Variants in CBLB observed in about 807,000 individuals in gnomAD.
CBLB encodes the protein Cbl proto-oncogene B, also known as E3 ubiquitin-protein ligase CBL-B.
In CBLB, 31 loss-of-function variants were observed where a neutral mutation model predicts 104.9. The ratio of observed to expected loss-of-function variants is 0.30; its 90% CI spans 0.22 to 0.40. The LOEUF (loss-of-function observed/expected upper bound fraction) is 0.40, where lower values mean the gene tolerates loss of function less well. Among genes scored for constraint, CBLB ranks in the 10% least tolerant of loss-of-function variants. The probability of loss-of-function intolerance (pLI) is 1.00; values close to 1 mark genes in which losing one functional copy is unlikely to be tolerated. For synonymous variants in CBLB, 440 were observed against 422.6 expected (o/e 1.04, Z -0.51); for missense variants, 1,062 against 1,214.6 (o/e 0.87, Z 1.87).
chr3:105,791,141 C>A (rs367927995), intron 3 of CBLB, among the ~76,000 whole-genome samples: 1 of 152,156 alleles, frequency 6.6e-6, no homozygotes, highest in Admixed American at 6.6e-5. Flanking sequence ...GAGCTAGGAG[C>A]GTTTCTTCCC....
chr3:105,772,026 C>T (rs553005936), intron 4 of CBLB, among the ~76,000 whole-genome samples: 1 of 152,118 alleles, frequency 6.6e-6, no homozygotes, highest in Non-Finnish European at 1.5e-5. Flanking sequence ...AAAAACAATC[C>T]TAAGATTCGT....
chr3:105,775,440 G>A (rs1577080564), intron 4 of CBLB, among the ~76,000 whole-genome samples: 1 of 152,204 alleles, frequency 6.6e-6, no homozygotes, highest in African/African-American at 2.4e-5. Flanking sequence ...TAAAAAAAGT[G>A]TATACTAACA....
intron 3 of CBLB, among the ~76,000 whole-genome samples, chr3:105,803,019 T>C (rs562464416): frequency 6.6e-6 from 1 of 152,282 alleles, no homozygotes; most frequent in East Asian, 1.9e-4. Context: ...TTGATGAAAA[T>C]TAAATTAGAG....
intron 3 of CBLB, among the ~76,000 whole-genome samples, chr3:105,786,059 A>C: frequency 7.1e-4 from 1 of 1,402 alleles, no homozygotes; most frequent in African/African-American, 1.4e-3. Flanking sequence ...GTGTGAGAGG[A>C]TCGGGGGGGG....
At chr3:105,792,724 C>A (rs952529831) in intron 3 of CBLB, among the ~76,000 whole-genome samples, 5 of 152,134 alleles carry the variant, frequency 3.3e-5, no homozygotes, top group African/African-American at 1.2e-4. Context: ...GAGGACCAGG[C>A]ACATCACAAG....
intron 18 of CBLB, among the ~76,000 whole-genome samples, chr3:105,667,926 G>A (rs1022869298): frequency 2.0e-5 from 3 of 152,146 alleles, no homozygotes; most frequent in Admixed American, 6.5e-5. Flanking sequence ...TCCTAAAGGC[G>A]CATATGCATT....
intron 3 of CBLB, among the ~76,000 whole-genome samples, chr3:105,850,595 A>G (rs984345463): frequency 1.3e-5 from 2 of 152,180 alleles, no homozygotes; most frequent in African/African-American, 2.4e-5. Context: ...GGAAAACTCT[A>G]TCATTTTCCT....
At position 105,701,687 on chromosome 3, in the gene CBLB, T is replaced by G. The variant is rs183408974; in HGVS notation, c.1959+407A>C. Among the ~76,000 whole-genome samples the G allele has an allele frequency of 6.8e-3, 1,019 of 150,022 alleles. 3 individuals carry two copies. The highest frequency in any genetic ancestry group is 0.011 in the Non-Finnish European group (717 of 67,702). Reference sequence around the variant, plus strand: ...CTGAGGCAGGAGAATCGCTTGAACCTGGGAGGCAGAGGTTGCAGTGAGCCG... The same window carrying G: ...CTGAGGCAGGAGAATCGCTTGAACCGGGGAGGCAGAGGTTGCAGTGAGCCG... On this transcript the variant is annotated intron_variant, in intron 12 of 18. Transcript: ENST00000394030.
chr3:105,847,776 C>G (rs529673344), intron 3 of CBLB, among the ~76,000 whole-genome samples: 2 of 152,152 alleles, frequency 1.3e-5, no homozygotes, highest in South Asian at 2.1e-4. Context: ...TGCAGAGCAG[C>G]TGATTAATAC....
chr3:105,842,273 T>C (rs1050258027), intron 3 of CBLB, among the ~76,000 whole-genome samples: 1 of 152,176 alleles, frequency 6.6e-6, no homozygotes, highest in Admixed American at 6.5e-5. Context: ...AATGGTTCAT[T>C]TTCCCCGACC....
intron 6 of CBLB, among the ~76,000 whole-genome samples, chr3:105,741,897 AT>A (rs1376460050): frequency 2.6e-5 from 4 of 152,200 alleles, no homozygotes; most frequent in Non-Finnish European, 5.9e-5. Context: ...AAACTAGGTA[AT>A]TTCATGCCTG....
chr3:105,761,569 C>T (rs949546261), intron 4 of CBLB, among the ~76,000 whole-genome samples: 2 of 152,178 alleles, frequency 1.3e-5, no homozygotes, highest in African/African-American at 4.8e-5. Context: ...TTCTCTGCTG[C>T]CATGTAAGAT....
intron 10 of CBLB, among the ~76,000 whole-genome samples, chr3:105,704,646 TG>T (rs1026823289): frequency 1.3e-5 from 2 of 152,096 alleles, no homozygotes; most frequent in Admixed American, 6.6e-5. Flanking sequence ...TTAAATCAGG[TG>T]GGGTTTTAAA....
At chr3:105,828,099 T>C (rs1387927268) in intron 3 of CBLB, among the ~76,000 whole-genome samples, 1 of 152,170 alleles carries the variant, frequency 6.6e-6, no homozygotes, top group African/African-American at 2.4e-5. Context: ...TCCATCACCC[T>C]CCTTCACATG....
chr3:105,729,260 G>T (rs1229712193), intron 9 of CBLB, among the ~76,000 whole-genome samples: 1 of 152,034 alleles, frequency 6.6e-6, no homozygotes. Flanking sequence ...GAAATTTCAG[G>T]TTTAATTTTA....
chr3:105,693,652 C>A, intron 12 of CBLB, 64 bp from the exon 13 acceptor site: 1 of 1,021,342 alleles, frequency 9.8e-7, no homozygotes, highest in Non-Finnish European at 1.5e-6. Context: ...AAAGCCATAG[C>A]TGCTCTACCA....
At chr3:105,841,837 G>A (rs1194787782) in intron 3 of CBLB, among the ~76,000 whole-genome samples, 1 of 152,074 alleles carries the variant, frequency 6.6e-6, no homozygotes, top group Non-Finnish European at 1.5e-5. Flanking sequence ...CTGAGAACAT[G>A]AGATACATTA....
intron 10 of CBLB, among the ~76,000 whole-genome samples, chr3:105,705,991 A>C (rs891031712): frequency 6.6e-6 from 1 of 151,978 alleles, no homozygotes; most frequent in Non-Finnish European, 1.5e-5. Flanking sequence ...TATTTTTTTT[A>C]AATTAGAATG....
rs2063510181 is a variant in CBLB at position 105,658,813 on chromosome 3, A to G, written c.*157T>C. 2 of 739,076 alleles carry G rather than the reference A, an allele frequency of 2.7e-6. No homozygotes were observed. The highest frequency in any genetic ancestry group is 1.8e-5 in the African/African-American group (1 of 57,026). 45.8% of individuals were successfully genotyped at this position (739,076 alleles called of 1,614,324 possible). On this transcript the variant is annotated 3_prime_UTR_variant, in exon 19 of 19. Coordinates refer to ENST00000394030, the MANE Select transcript of CBLB (RefSeq NM_170662.5). ...ACAGCTGTCGACATCCTGAGCAAGC[A>G]TCGGTCTCCTTTGAGAAGCTGCACT... is the stretch of plus-strand genomic sequence containing the variant.
Sources: allele counts gnomAD v4.1 joint callset (sites outside exome capture counted in the v4.1 genomes callset), GRCh38; gene constraint gnomAD v4.1.1; transcripts MANE v1.5; gene names NCBI Gene and HGNC (gene_info 2026-07-23, HGNC 2026-07-21).